Variants in PFKP observed in about 807,000 individuals in gnomAD.
PFKP encodes the protein phosphofructokinase, platelet.
A neutral mutation model predicts 94.3 loss-of-function variants in PFKP; 101 were observed. The observed-to-expected ratio is 1.07, with a 90% CI of 0.91 to 1.26. The LOEUF (loss-of-function observed/expected upper bound fraction) is 1.26, where lower values mean the gene tolerates loss of function less well. Ranked by LOEUF, PFKP falls within the 50% of genes most tolerant of loss-of-function variation. PFKP has a pLI of 0.00. For synonymous variants in PFKP, 573 were observed against 432.6 expected (o/e 1.32, Z -4.03); for missense variants, 1,145 against 1,103.3 (o/e 1.04, Z -0.53).
intron 1 of PFKP, among the ~76,000 whole-genome samples, chr10:3,069,551 G>A (rs1832027800): frequency 6.6e-6 from 1 of 152,140 alleles, no homozygotes; most frequent in Non-Finnish European, 1.5e-5. Flanking sequence ...AGCCACCAGG[G>A]CGGGTGGAAA....
chr10:3,096,335 A>AGGGT (rs1360671072), intron 2 of PFKP, among the ~76,000 whole-genome samples: 1 of 152,162 alleles, frequency 6.6e-6, no homozygotes, highest in Non-Finnish European at 1.5e-5. Context: ...CCTCTTCAGC[A>AGGGT]GGGTGGCGGC....
At chr10:3,130,056 CTA>C (rs1439009376) in intron 17 of PFKP, 73 bp downstream of exon 17, 3 of 1,400,858 alleles carry the variant, frequency 2.1e-6, no homozygotes, top group South Asian at 1.4e-5. Flanking sequence ...ATCATCGTGT[CTA>C]GGGTGGTTTG....
At chr10:3,081,680 A>AGT (rs548790725) in intron 1 of PFKP, among the ~76,000 whole-genome samples, 1 of 152,340 alleles carries the variant, frequency 6.6e-6, no homozygotes, top group South Asian at 2.1e-4. Context: ...ATCCAGCGGC[A>AGT]GTGGAGAGCT....
chr10:3,128,162 C>G (rs915968601), intron 16 of PFKP, among the ~76,000 whole-genome samples: 1 of 152,170 alleles, frequency 6.6e-6, no homozygotes, highest in Non-Finnish European at 1.5e-5. Context: ...ATTTCTTGAG[C>G]GCCTGCTGTG....
Position 3,099,850 on chromosome 10 carries a change from CTGTGTGTGG to C in PFKP, c.264+502_264+510del, listed in dbSNP as rs1277093704. On this transcript the variant is annotated intron_variant, in intron 3 of 21. Transcript: ENST00000381125. The stretch of plus-strand genomic sequence containing the variant: ...TATGTGTATCAGTGAGTCTGTGTTT[CTGTGTGTGG>C]TGTATGTGGTGTGTGAATCTCGGTG... Among the ~76,000 whole-genome samples the C allele has an allele frequency of 3.3e-5, 5 of 150,656 alleles. No homozygotes were observed. In the East Asian group the frequency reaches 5.8e-4, roughly 18 times the overall value.
Position 3,136,726 on chromosome 10 carries a change from G to A in PFKP, c.*147G>A. 7.1e-6 allele frequency: 5 copies of A among 705,236 alleles called. No individual in the cohort carries two copies. 43.7% of individuals were successfully genotyped at this position (705,236 alleles called of 1,614,324 possible). On this transcript the variant is annotated 3_prime_UTR_variant, in exon 22 of 22. Coordinates refer to ENST00000381125, the MANE Select transcript of PFKP (RefSeq NM_002627.5). ...ATCTGCCCCACCTGCTCCAGTGCGT[G>A]CTGTCTGTGGAGTGTGTCTCATGCT...
intron 2 of PFKP, among the ~76,000 whole-genome samples, chr10:3,098,018 A>G (rs1421062236): frequency 1.3e-5 from 2 of 151,178 alleles, no homozygotes; most frequent in African/African-American, 4.9e-5. Flanking sequence ...CAAAAATAAA[A>G]TAAAATAAAC....
intron 5 of PFKP, 22 bp from the exon 6 acceptor site, chr10:3,105,093 G>A (rs199652400): frequency 6.2e-7 from 1 of 1,612,616 alleles, no homozygotes; most frequent in Non-Finnish European, 8.5e-7. Flanking sequence ...TGTGTCCGGG[G>A]CTCCCTCTGT....
intron 7 of PFKP, among the ~76,000 whole-genome samples, chr10:3,105,829 T>C (rs1449993342): frequency 6.6e-6 from 1 of 152,166 alleles, no homozygotes; most frequent in Non-Finnish European, 1.5e-5. Context: ...TCATTTTCTA[T>C]GGGTGGGTCT....
At chr10:3,069,733 G>A (rs1389261322) in intron 1 of PFKP, among the ~76,000 whole-genome samples, 1 of 151,484 alleles carries the variant, frequency 6.6e-6, no homozygotes, top group East Asian at 1.9e-4. Context: ...AAAAAAGAAA[G>A]AAAAAAAATT....
chr10:3,101,289 T>C, intron 3 of PFKP, 76 bp from the exon 4 acceptor site: 3 of 1,198,980 alleles, frequency 2.5e-6, no homozygotes, highest in Admixed American at 5.0e-5. Flanking sequence ...CCCATGTTTA[T>C]AGTCGGCCTG....
At position 3,132,398 on chromosome 10, in the gene PFKP, A is replaced by AC; in HGVS notation, c.1868dup (p.Glu624GlyfsTer16). The AC allele has an allele frequency of 6.2e-7, 1 of 1,612,522 alleles. No homozygotes were observed. The highest frequency in any genetic ancestry group is 8.5e-7 in the Non-Finnish European group (1 of 1,178,582). On this transcript the variant is annotated frameshift_variant, in exon 18 of 22. Transcript: ENST00000381125. LOFTEE classifies it high-confidence loss of function. ...CTTCCAGTCCAACGTGGAGCACCTG[A>AC]CGGAGAAAATGAAGACCACCATCCA...
intron 4 of PFKP, among the ~76,000 whole-genome samples, chr10:3,102,583 T>A (rs879322860): frequency 1.5e-3 from 229 of 152,216 alleles, no homozygotes; most frequent in African/African-American, 3.0e-3. Flanking sequence ...CCAGCTTTTT[T>A]AAAATTTTTT....
chr10:3,081,969 C>T (rs1443878979), intron 1 of PFKP, among the ~76,000 whole-genome samples: 1 of 115,458 alleles, frequency 8.7e-6, no homozygotes, highest in Non-Finnish European at 1.7e-5. Flanking sequence ...TCTGTTGAAG[C>T]CCATTGCCTT....
intron 10 of PFKP, among the ~76,000 whole-genome samples, chr10:3,110,871 T>C (rs1836141737): frequency 6.6e-6 from 1 of 151,482 alleles, no homozygotes; most frequent in African/African-American, 2.5e-5. Context: ...TTTGTGGTAG[T>C]ATGTCTGCAT....
intron 16 of PFKP, among the ~76,000 whole-genome samples, chr10:3,128,673 C>G (rs1302127671): frequency 1.3e-5 from 2 of 151,976 alleles, no homozygotes; most frequent in Non-Finnish European, 2.9e-5. Context: ...GCATCCCGCT[C>G]CAGGGCCTTC....
rs549539563 is a variant in PFKP at position 3,132,251 on chromosome 10, C to T, written c.1849-129C>T. On this transcript the variant is annotated intron_variant, in intron 17 of 21. Coordinates refer to ENST00000381125, the MANE Select transcript of PFKP (RefSeq NM_002627.5). ...AGGAGGCTCCCCAAGACCCAAGCCG[C>T]GAGAGCTGCAGCCTCCTTGGCCACG... The T allele has an allele frequency of 2.2e-3, 1,498 of 666,388 alleles. 3 individuals carry two copies. Among genetic ancestry groups the T allele is most frequent in the Non-Finnish European group, 2.6e-3 (943 of 359,920 alleles). 41.3% of individuals were successfully genotyped at this position (666,388 alleles called of 1,614,324 possible).
At position 3,136,689 on chromosome 10, in the gene PFKP, C is replaced by G. The variant is rs1053000; in HGVS notation, c.*110C>G. The G allele has an allele frequency of 1.3e-5, 16 of 1,212,384 alleles. No homozygotes were observed. The highest frequency in any genetic ancestry group is 5.4e-5 in the East Asian group (2 of 37,358). The allele number at this position is 1,212,384 out of a possible 1,614,324, so 75.1% of individuals were successfully genotyped here. On this transcript the variant is annotated 3_prime_UTR_variant, in exon 22 of 22. Transcript: ENST00000381125. ...CGTATTATTGACATTAATACCTAAT[C>G]GGCGAGTGCCCATCTGCCCCACCTG...
chr10:3,084,319 A>G (rs1833317256), intron 2 of PFKP, among the ~76,000 whole-genome samples: 2 of 152,150 alleles, frequency 1.3e-5, no homozygotes, highest in South Asian at 4.1e-4. Flanking sequence ...GAGCACTGGC[A>G]GGTTTCCCCT....
Sources: allele counts gnomAD v4.1 joint callset (sites outside exome capture counted in the v4.1 genomes callset), GRCh38; gene constraint gnomAD v4.1.1; transcripts MANE v1.5; gene names NCBI Gene and HGNC (gene_info 2026-07-23, HGNC 2026-07-21).